Variants in HIVEP1 observed in about 807,000 individuals in gnomAD.
The protein encoded by HIVEP1 is zinc finger protein 40.
HIVEP1 carries 36 observed loss-of-function variants against 180.0 expected under a neutral mutation model. The ratio of observed to expected loss-of-function variants is 0.20; its 90% CI spans 0.15 to 0.26. HIVEP1 has a LOEUF of 0.26. HIVEP1 is among the 10% of genes least tolerant of loss of function. The pLI is 1.00. For missense variants in HIVEP1, 3,143 were observed against 3,268.7 expected (o/e 0.96, Z 0.94); for synonymous variants, 1,239 against 1,239.0 (o/e 1.00, Z 0.00).
chr6:12,054,109 A>G (rs1216508040), intron 2 of HIVEP1, among the ~76,000 whole-genome samples: 14 of 152,056 alleles, frequency 9.2e-5, no homozygotes. Context: ...AAACATGCCC[A>G]CTCTGTGTTT....
chr6:12,087,907 A>G (rs748907751), intron 2 of HIVEP1, among the ~76,000 whole-genome samples: 2 of 152,188 alleles, frequency 1.3e-5, no homozygotes, highest in Non-Finnish European at 2.9e-5. Flanking sequence ...GCTGTGGGCG[A>G]TACATTTATC....
chr6:12,015,413 G>A (rs751125323), intron 1 of HIVEP1, 113 bp from the exon 2 acceptor site: 27 of 442,548 alleles, frequency 6.1e-5, no homozygotes, highest in Middle Eastern at 5.8e-4. Context: ...GTGGTGCCCA[G>A]CTTGGTTACT....
rs914624389 is a variant in HIVEP1 at position 12,042,794 on chromosome 6, A to G, written c.40+27126A>G. On this transcript the variant is annotated intron_variant, in intron 2 of 8. Transcript: ENST00000379388. ...CATATATCTGAAGTTATTTCTTATA[A>G]TAGTGTATCATAACTTAGCTAATAG... Among the ~76,000 whole-genome samples, 16 of 152,154 alleles carry G rather than the reference A, an allele frequency of 1.1e-4. 1 individual carries two copies. Among genetic ancestry groups the G allele is most frequent in the African/African-American group, 3.6e-4 (15 of 41,440 alleles).
At chr6:12,146,573 G>GTA (rs1759386559) in intron 7 of HIVEP1, among the ~76,000 whole-genome samples, 1 of 152,166 alleles carries the variant, frequency 6.6e-6, no homozygotes, top group African/African-American at 2.4e-5. Context: ...GCCAAGGTCA[G>GTA]TATAGGTATT....
chr6:12,121,321 G>A lies in HIVEP1; in HGVS notation c.1526G>A (p.Gly509Asp). 2 of 1,614,116 alleles carry A rather than the reference G, an allele frequency of 1.2e-6. No individual in the cohort carries two copies. Among genetic ancestry groups the A allele is most frequent in the South Asian group, 1.1e-5 (1 of 91,082 alleles). Residue 509 changes from glycine (G) to aspartate (D), a missense_variant, in exon 4 of 9, where the codon GGC becomes GAC. This residue lies in a region of HIVEP1 where 365 missense variants were observed against 344.4 expected (regional missense o/e 1.06). Coordinates refer to ENST00000379388, the MANE Select transcript of HIVEP1 (RefSeq NM_002114.4). The surrounding 1 kb of genome is among the most constrained non-coding windows in gnomAD (Gnocchi z 5.3). ...GATDERQHDLGAMELQPVHII... is the reference protein window; with the variant it reads ...GATDERQHDLDAMELQPVHII... Reference sequence around the variant, plus strand: ...ACTGATGAGAGACAGCATGACCTGGGCGCCATGGAGCTGCAGCCTGTGCAC... The same window carrying A: ...ACTGATGAGAGACAGCATGACCTGGACGCCATGGAGCTGCAGCCTGTGCAC...
At chr6:12,017,254 A>G (rs1767842389) in intron 2 of HIVEP1, among the ~76,000 whole-genome samples, 1 of 152,180 alleles carries the variant, frequency 6.6e-6, no homozygotes, top group Non-Finnish European at 1.5e-5. Flanking sequence ...TCTTGGTCTC[A>G]CTGACTTCAA....
the HIVEP1 span, among the ~76,000 whole-genome samples, chr6:12,198,827 C>T: frequency 1.3e-5 from 2 of 152,178 alleles, no homozygotes; most frequent in African/African-American, 4.8e-5. Context: ...ATGTTAATCT[C>T]ATCTAAAAAA....
chr6:12,104,425 C>CTTTTTTTTTTTTTTTTTTTTTTTTT (rs70981665), intron 3 of HIVEP1, among the ~76,000 whole-genome samples: 1 of 72,790 alleles, frequency 1.4e-5, no homozygotes, highest in African/African-American at 5.6e-5. Context: ...CTTTTCTTTC[C>CTTTTTTTTTTTTTTTTTTTTTTTTT]TTTTTTTTTT....
chr6:12,174,572 GT>G, the HIVEP1 span, among the ~76,000 whole-genome samples: 2 of 152,034 alleles, frequency 1.3e-5, no homozygotes, highest in Admixed American at 6.6e-5. Flanking sequence ...TGTTTTGTTT[GT>G]TTTGTTTTGT....
intron 2 of HIVEP1, among the ~76,000 whole-genome samples, chr6:12,082,320 TATTC>T (rs1161370418): frequency 1.3e-5 from 2 of 152,150 alleles, no homozygotes; most frequent in African/African-American, 4.8e-5. Context: ...ATTTCTTAAA[TATTC>T]ATTCATTCAA....
intron 2 of HIVEP1, among the ~76,000 whole-genome samples, chr6:12,058,066 C>T (rs1353054192): frequency 1.3e-5 from 2 of 151,690 alleles, no homozygotes; most frequent in Non-Finnish European, 2.9e-5. Context: ...TACATAAGTC[C>T]CTGAGGCCAG....
At chr6:12,196,644 C>T in the HIVEP1 span, among the ~76,000 whole-genome samples, 4 of 152,210 alleles carry the variant, frequency 2.6e-5, no homozygotes, top group African/African-American at 4.8e-5. Flanking sequence ...TCCTTCCCAT[C>T]ATCATTTGCG....
upstream of HIVEP1, among the ~76,000 whole-genome samples, chr6:12,011,270 T>TGC: frequency 2.8e-5 from 2 of 71,630 alleles, no homozygotes; most frequent in African/African-American, 1.2e-4. Flanking sequence ...CCCCTTGGGG[T>TGC]CCCCCCCCCC....
rs1771399976 is a variant in HIVEP1 at position 12,063,975 on chromosome 6, A to G, written c.41-25209A>G. On this transcript the variant is annotated intron_variant, in intron 2 of 8. Transcript: ENST00000379388. This position sits in a 1 kb window ranked among gnomAD's most constrained non-coding sequence, Gnocchi z 4.2. ...TTGAAGATTAGGTGTGATCTTGGAA[A>G]ATGAGAGACCTCAGATTTTGGCAAG... Among the ~76,000 whole-genome samples, 1 of 152,166 alleles carries G rather than the reference A, an allele frequency of 6.6e-6. No individual in the cohort carries two copies. The highest frequency in any genetic ancestry group is 1.5e-5 in the Non-Finnish European group (1 of 68,024).
At chr6:12,083,086 G>GCACT (rs10679731) in intron 2 of HIVEP1, among the ~76,000 whole-genome samples, 3,257 of 152,202 alleles carry the variant, frequency 0.021, 127 homozygotes, top group African/African-American at 0.073. Context: ...GCCTGTTAAT[G>GCACT]CACTACCTTC....
the HIVEP1 span, among the ~76,000 whole-genome samples, chr6:12,208,271 G>A: frequency 1.8e-4 from 27 of 152,174 alleles, no homozygotes; most frequent in Admixed American, 1.8e-3. Flanking sequence ...GATTGGTGAT[G>A]ACTTTGTTTT....
At chr6:12,149,195 A>T (rs961665821) in intron 7 of HIVEP1, among the ~76,000 whole-genome samples, 8 of 152,186 alleles carry the variant, frequency 5.3e-5, no homozygotes. Context: ...TACTAATAGG[A>T]TATTTAAGAA....
chr6:12,129,346 C>T (rs1044473084), intron 4 of HIVEP1, among the ~76,000 whole-genome samples: 1 of 152,066 alleles, frequency 6.6e-6, no homozygotes, highest in African/African-American at 2.4e-5. Context: ...ATTATTTTAC[C>T]AAAAGGAGTA....
intron 4 of HIVEP1, 171 bp from the exon 5 acceptor site, chr6:12,129,588 A>T: frequency 1.4e-6 from 1 of 700,286 alleles, no homozygotes; most frequent in South Asian, 1.5e-5. Flanking sequence ...TGATTGAGAC[A>T]GATTCATAAG....
Sources: allele counts gnomAD v4.1 joint callset (sites outside exome capture counted in the v4.1 genomes callset), GRCh38; gene constraint gnomAD v4.1.1; regional missense constraint gnomAD v4.1.1; non-coding constraint Gnocchi (gnomAD v3.1); transcripts MANE v1.5; gene names NCBI Gene and HGNC (gene_info 2026-07-23, HGNC 2026-07-21).